PEBP4: variants seen among roughly 807,000 people sequenced by gnomAD.
The protein encoded by PEBP4 is phosphatidylethanolamine binding protein 4.
In PEBP4, 22 loss-of-function variants were observed where a neutral mutation model predicts 23.9. The ratio of observed to expected loss-of-function variants is 0.92; its 90% CI spans 0.66 to 1.31. The LOEUF is 1.31. PEBP4 is among the 40% of genes most tolerant of loss of function. PEBP4 has a pLI of 0.00. For missense variants in PEBP4, 324 were observed against 281.7 expected (o/e 1.15, Z -1.07); for synonymous variants, 112 against 99.3 (o/e 1.13, Z -0.76).
At chr8:22,905,363 A>G (rs1808789320) in intron 3 of PEBP4, among the ~76,000 whole-genome samples, 1 of 151,314 alleles carries the variant, frequency 6.6e-6, no homozygotes, top group Non-Finnish European at 1.5e-5. Context: ...AATGCTTTGC[A>G]TATTTGTGGC....
intron 4 of PEBP4, among the ~76,000 whole-genome samples, chr8:22,731,629 TTATTTATTTATTTATC>T (rs1335962027): frequency 1.3e-3 from 182 of 142,806 alleles, no homozygotes; most frequent in Non-Finnish European, 2.3e-3. Context: ...ATTTATTTAT[TTATTTATTTATTTATC>T]TATCTATCTA....
chr8:22,728,101 C>T (rs1259510965), intron 4 of PEBP4, among the ~76,000 whole-genome samples: 2 of 152,142 alleles, frequency 1.3e-5, no homozygotes, highest in East Asian at 1.9e-4. Flanking sequence ...TTGAGTCTGC[C>T]GACACCTAAC....
chr8:22,826,717 G>A (rs1806976338), intron 3 of PEBP4, among the ~76,000 whole-genome samples: 1 of 152,144 alleles, frequency 6.6e-6, no homozygotes, highest in African/African-American at 2.4e-5. Flanking sequence ...CTTCACATTT[G>A]CTTGTATTTA....
intron 4 of PEBP4, among the ~76,000 whole-genome samples, chr8:22,792,169 G>A (rs1806153529): frequency 6.6e-6 from 1 of 152,066 alleles, no homozygotes; most frequent in Admixed American, 6.6e-5. Flanking sequence ...TGGATTTTTA[G>A]TACAAGGTTT....
chr8:22,891,521 G>T (rs1382214837), intron 3 of PEBP4, among the ~76,000 whole-genome samples: 1 of 152,230 alleles, frequency 6.6e-6, no homozygotes, highest in Admixed American at 6.5e-5. Context: ...TGGGTGTGGG[G>T]ATGACAATAC....
intron 3 of PEBP4, among the ~76,000 whole-genome samples, chr8:22,914,215 C>T (rs1173505822): frequency 1.3e-5 from 2 of 152,064 alleles, no homozygotes; most frequent in Non-Finnish European, 2.9e-5. Flanking sequence ...CTCCTGACTT[C>T]AAGTGATCTG....
At chr8:22,740,982 G>T (rs949213612) in intron 4 of PEBP4, among the ~76,000 whole-genome samples, 1 of 152,174 alleles carries the variant, frequency 6.6e-6, no homozygotes, top group Admixed American at 6.5e-5. Flanking sequence ...CCTACGTGAG[G>T]AGGGAGGGTT....
At chr8:22,764,421 G>C (rs963258032) in intron 4 of PEBP4, among the ~76,000 whole-genome samples, 1 of 152,116 alleles carries the variant, frequency 6.6e-6, no homozygotes, top group Non-Finnish European at 1.5e-5. Flanking sequence ...GAACGCTTCA[G>C]GGTGCACTAA....
At chr8:22,899,467 CT>C (rs1416552038) in intron 3 of PEBP4, among the ~76,000 whole-genome samples, 3 of 152,228 alleles carry the variant, frequency 2.0e-5, no homozygotes, top group African/African-American at 7.2e-5. Context: ...AAGGAACCTG[CT>C]TTTGCAGGGG....
intron 6 of PEBP4, among the ~76,000 whole-genome samples, chr8:22,721,705 C>G (rs767666678): frequency 6.6e-5 from 10 of 152,126 alleles, no homozygotes; most frequent in Non-Finnish European, 1.3e-4. Context: ...ACACTGCCCC[C>G]CTCCCAACCC....
At chr8:22,880,166 G>A (rs1808216817) in intron 3 of PEBP4, among the ~76,000 whole-genome samples, 1 of 152,128 alleles carries the variant, frequency 6.6e-6, no homozygotes, top group Non-Finnish European at 1.5e-5. Context: ...TGATTGGGAG[G>A]GGTGACAAAG....
At chr8:22,786,559 C>T (rs1806032974) in intron 4 of PEBP4, among the ~76,000 whole-genome samples, 1 of 152,028 alleles carries the variant, frequency 6.6e-6, no homozygotes, top group Non-Finnish European at 1.5e-5. Context: ...GCTGAGATTA[C>T]AGGCATGAGC....
At chr8:22,876,075 T>C (rs550743011) in intron 3 of PEBP4, among the ~76,000 whole-genome samples, 28 of 152,162 alleles carry the variant, frequency 1.8e-4, no homozygotes, top group African/African-American at 6.5e-4. Context: ...CACACATGAC[T>C]TATTTTGGTA....
chr8:22,860,221 T>C (rs553433233), intron 3 of PEBP4, among the ~76,000 whole-genome samples: 1 of 147,456 alleles, frequency 6.8e-6, no homozygotes, highest in Admixed American at 6.7e-5. Context: ...TATATGTATA[T>C]ATATATATGG....
intron 3 of PEBP4, among the ~76,000 whole-genome samples, chr8:22,909,489 C>T (rs1317166299): frequency 6.6e-6 from 1 of 152,192 alleles, no homozygotes; most frequent in Admixed American, 6.5e-5. Context: ...TTGATACTGC[C>T]AGGCCACCAT....
chr8:22,807,931 C>T (rs1050021976), intron 4 of PEBP4, among the ~76,000 whole-genome samples: 26 of 150,890 alleles, frequency 1.7e-4, no homozygotes, highest in Non-Finnish European at 1.6e-4. Context: ...TCCATTCATC[C>T]ACCTACTAAA....
At chr8:22,714,164 C>T (rs73551855) in intron 6 of PEBP4, among the ~76,000 whole-genome samples, 1 of 152,178 alleles carries the variant, frequency 6.6e-6, no homozygotes, top group African/African-American at 2.4e-5. Flanking sequence ...GAAACCCAGA[C>T]GGTGCCCAGG....
intron 4 of PEBP4, among the ~76,000 whole-genome samples, chr8:22,751,874 C>T (rs1805275273): frequency 6.6e-6 from 1 of 152,062 alleles, no homozygotes; most frequent in South Asian, 2.1e-4. Flanking sequence ...CATCACCAGC[C>T]ACCCACTCAA....
At chr8:22,739,420 C>T (rs767051640) in intron 4 of PEBP4, among the ~76,000 whole-genome samples, 4 of 152,180 alleles carry the variant, frequency 2.6e-5, no homozygotes, top group African/African-American at 7.2e-5. Context: ...ATCTCTCATC[C>T]GGCACCCAGT....
Sources: gnomAD v4.1 joint callset for allele counts (sites outside exome capture counted in the v4.1 genomes callset) on GRCh38, gnomAD v4.1.1 for gene constraint, MANE v1.5 for transcripts, NCBI Gene and HGNC (gene_info 2026-07-23, HGNC 2026-07-21) for gene names.